The following THEMIS variants were observed in gnomAD, a reference collection of about 807,000 sequenced individuals.
THEMIS encodes the protein protein THEMIS.
In THEMIS, 37 loss-of-function variants were observed where a neutral mutation model predicts 52.6. The ratio of observed to expected loss-of-function variants is 0.70; its 90% CI spans 0.54 to 0.93. The LOEUF (loss-of-function observed/expected upper bound fraction) is 0.93. THEMIS is among the 40% of genes least tolerant of loss of function. The pLI is 0.00. For missense variants in THEMIS, 808 were observed against 763.1 expected, an observed-to-expected ratio of 1.06 and a Z score of -0.69; for synonymous variants, 292 against 272.7, an observed-to-expected ratio of 1.07 and a Z score of -0.70.
chr6:127,832,896 G>A (rs947573460), intron 2 of THEMIS, among the ~76,000 whole-genome samples: 3 of 140,320 alleles, frequency 2.1e-5, no homozygotes, highest in African/African-American at 8.0e-5. Flanking sequence ...TGATTCTCCT[G>A]CCTCAGCCTC....
At chr6:127,769,353 T>TTG (rs547817085) in intron 4 of THEMIS, among the ~76,000 whole-genome samples, 1,107 of 105,064 alleles carry the variant, frequency 0.011, 8 homozygotes, top group Non-Finnish European at 0.017. Flanking sequence ...TTTTTTTTTG[T>TTG]TTTTTTTTTT....
chr6:127,703,374 A>G (rs1773754593), downstream of THEMIS, among the ~76,000 whole-genome samples: 1 of 152,148 alleles, frequency 6.6e-6, no homozygotes, highest in East Asian at 1.9e-4. Flanking sequence ...CACATTGTCA[A>G]TCAAAGATAC....
intron 3 of THEMIS, among the ~76,000 whole-genome samples, chr6:127,821,932 T>C (rs1043915329): frequency 2.0e-5 from 3 of 152,054 alleles, no homozygotes; most frequent in Non-Finnish European, 2.9e-5. Context: ...GAGGACAAGA[T>C]GATGGTTTCT....
upstream of THEMIS, among the ~76,000 whole-genome samples, chr6:127,902,343 A>ATT: frequency 6.7e-6 from 1 of 150,354 alleles, no homozygotes; most frequent in East Asian, 1.9e-4. Flanking sequence ...AAAAAAAAAA[A>ATT]AATAAAGAAT....
intron 4 of THEMIS, among the ~76,000 whole-genome samples, chr6:127,756,315 CT>C (rs1004901311): frequency 2.0e-5 from 3 of 152,130 alleles, no homozygotes; most frequent in Non-Finnish European, 4.4e-5. Context: ...ATCAATTTCA[CT>C]TTTTTGCAGC....
chr6:127,774,826 C>A (rs1776505699), intron 4 of THEMIS, among the ~76,000 whole-genome samples: 1 of 152,154 alleles, frequency 6.6e-6, no homozygotes. Context: ...CTGTATTTAG[C>A]AACTGGCTTC....
intron 4 of THEMIS, among the ~76,000 whole-genome samples, chr6:127,740,479 C>T (rs938848284): frequency 2.6e-5 from 4 of 152,140 alleles, no homozygotes; most frequent in Non-Finnish European, 1.5e-5. Context: ...GTGATTTAAT[C>T]AAACTCAACT....
chr6:127,700,153 A>G, the THEMIS span, among the ~76,000 whole-genome samples: 1 of 151,904 alleles, frequency 6.6e-6, no homozygotes, highest in Admixed American at 6.5e-5. Context: ...AATTATTTAG[A>G]CAAAGTTAAT....
At chr6:127,779,275 T>C (rs973709460) in intron 4 of THEMIS, among the ~76,000 whole-genome samples, 5 of 152,156 alleles carry the variant, frequency 3.3e-5, no homozygotes, top group African/African-American at 1.2e-4. Flanking sequence ...AATGATAAAA[T>C]ATATCCTTAA....
chr6:127,898,015 C>A (rs1781024148), intron 1 of THEMIS, among the ~76,000 whole-genome samples: 1 of 151,460 alleles, frequency 6.6e-6, no homozygotes, highest in South Asian at 2.1e-4. Flanking sequence ...GATATACCAA[C>A]CAGAAAAGAA....
chr6:127,854,966 T>G, intron 2 of THEMIS, 64 bp downstream of exon 2: 1 of 1,326,690 alleles, frequency 7.5e-7, no homozygotes, highest in Non-Finnish European at 9.8e-7. Context: ...TTTTTGGTTG[T>G]GTATATATAC....
chr6:127,817,058 A>C (rs1452925692), intron 3 of THEMIS, among the ~76,000 whole-genome samples: 3 of 152,048 alleles, frequency 2.0e-5, no homozygotes, highest in Non-Finnish European at 2.9e-5. Flanking sequence ...TCTCTATTTC[A>C]TGTCACCCTT....
intron 4 of THEMIS, among the ~76,000 whole-genome samples, chr6:127,732,622 A>G (rs1161029327): frequency 6.6e-6 from 1 of 152,054 alleles, no homozygotes. Flanking sequence ...TTTTCTCCCC[A>G]TTTGGGAACT....
chr6:127,770,616 C>A (rs2114435165), intron 4 of THEMIS, among the ~76,000 whole-genome samples: 1 of 152,034 alleles, frequency 6.6e-6, no homozygotes, highest in East Asian at 1.9e-4. Context: ...TGTGCAGAAG[C>A]TCTTTAATTA....
At chr6:127,820,231 G>T (rs887398596) in intron 3 of THEMIS, among the ~76,000 whole-genome samples, 2 of 152,008 alleles carry the variant, frequency 1.3e-5, no homozygotes, top group African/African-American at 4.8e-5. Context: ...GGCAGAAAAA[G>T]AAGGGGAAAA....
intron 1 of THEMIS, among the ~76,000 whole-genome samples, chr6:127,856,837 A>AT (rs1488647619): frequency 1.3e-5 from 2 of 151,860 alleles, no homozygotes; most frequent in African/African-American, 4.8e-5. Context: ...CCACAGTGAC[A>AT]TTTTTCCCCC....
upstream of THEMIS, among the ~76,000 whole-genome samples, chr6:127,901,277 T>C (rs1482310264): frequency 6.6e-6 from 1 of 151,790 alleles, no homozygotes; most frequent in Non-Finnish European, 1.5e-5. Context: ...CAGGTGTGCA[T>C]CTACTATGGT....
chr6:127,862,941 C>T (rs1779856809), intron 1 of THEMIS, among the ~76,000 whole-genome samples: 2 of 152,028 alleles, frequency 1.3e-5, no homozygotes, highest in South Asian at 2.1e-4. Context: ...TTAATTATGC[C>T]CAGCCCAGTC....
At chr6:127,879,746 GGAA>G (rs940402313) in intron 1 of THEMIS, among the ~76,000 whole-genome samples, 8 of 151,978 alleles carry the variant, frequency 5.3e-5, no homozygotes, top group African/African-American at 1.9e-4. Flanking sequence ...GTGCAGTCGG[GGAA>G]GAAGGATGGA....
Sources: gnomAD v4.1 joint callset for allele counts (sites outside exome capture counted in the v4.1 genomes callset) on GRCh38, gnomAD v4.1.1 for gene constraint, MANE v1.5 for transcripts, NCBI Gene and HGNC (gene_info 2026-07-23, HGNC 2026-07-21) for gene names.